Variants in CRB1 observed in about 807,000 individuals in gnomAD.
CRB1 encodes the protein crumbs cell polarity complex component 1, also known as protein crumbs homolog 1.
CRB1 carries 83 observed loss-of-function variants against 120.0 expected under a neutral mutation model. The observed-to-expected ratio is 0.69, with a 90% confidence interval of 0.58 to 0.83. The LOEUF (loss-of-function observed/expected upper bound fraction) is 0.83. CRB1 is among the 40% of genes least tolerant of loss of function. CRB1 has a pLI of 0.00. For missense variants in CRB1, 1,699 were observed against 1,687.6 expected (o/e 1.01, Z -0.12); for synonymous variants, 625 against 612.5 (o/e 1.02, Z -0.30).
At chr1:197,383,736 T>G (rs558296908) in intron 5 of CRB1, among the ~76,000 whole-genome samples, 13 of 152,218 alleles carry the variant, frequency 8.5e-5, no homozygotes, top group Non-Finnish European at 1.6e-4. Flanking sequence ...AGCTTTGGTT[T>G]TCTGGAACAT....
At chr1:197,447,943 C>G (rs1665779966) in intron 11 of CRB1, among the ~76,000 whole-genome samples, 1 of 151,874 alleles carries the variant, frequency 6.6e-6, no homozygotes, top group African/African-American at 2.4e-5. Flanking sequence ...GCATATATTC[C>G]CTATTGCTAT....
At chr1:197,278,864 C>T (rs1252592150) in intron 1 of CRB1, among the ~76,000 whole-genome samples, 1 of 151,872 alleles carries the variant, frequency 6.6e-6, no homozygotes, top group Non-Finnish European at 1.5e-5. Context: ...TCTCCAGGCA[C>T]GTACACTGTA....
chr1:197,326,166 C>T (rs1168492821), intron 1 of CRB1, among the ~76,000 whole-genome samples: 1 of 152,100 alleles, frequency 6.6e-6, no homozygotes, highest in Non-Finnish European at 1.5e-5. Context: ...ATGGCTTTGA[C>T]AGTTAATACT....
chr1:197,227,393 C>CTTT, the CRB1 span, among the ~76,000 whole-genome samples: 7 of 138,118 alleles, frequency 5.1e-5, no homozygotes, highest in African/African-American at 1.3e-4. Context: ...TTTTCTTTTT[C>CTTT]TTTTTTTTTT....
At chr1:197,337,080 A>T (rs761249852) in intron 2 of CRB1, among the ~76,000 whole-genome samples, 1 of 152,328 alleles carries the variant, frequency 6.6e-6, no homozygotes, top group Middle Eastern at 3.4e-3. Flanking sequence ...GTCCAAGGCG[A>T]TGAAAAGGTG....
chr1:197,203,675 G>A, the CRB1 span, among the ~76,000 whole-genome samples: 2 of 152,100 alleles, frequency 1.3e-5, no homozygotes, highest in Admixed American at 6.5e-5. Context: ...GCATAAGTAA[G>A]AAATAGAATG....
chr1:197,434,725 T>C lies in CRB1; in HGVS notation c.2862T>C (p.Phe954=). Residue 954 remains phenylalanine, a synonymous_variant, in exon 9 of 12, where the codon TTT becomes TTC. Coordinates refer to ENST00000367400, the MANE Select transcript of CRB1 (RefSeq NM_201253.3). ...CATTAGGTATTGCAAATGCTGTTTT[T>C]AATGGACAAAGCGGTCAAATATTAT... ...QGFECIANAV[F]NGQSGQILFR... is the part of the protein sequence containing the mutation. 1 of 1,613,422 alleles carries C rather than the reference T, an allele frequency of 6.2e-7. No homozygotes were observed. Among genetic ancestry groups the C allele is most frequent in the Non-Finnish European group, 8.5e-7 (1 of 1,179,516 alleles).
intron 5 of CRB1, chr1:197,363,903 C>A: frequency 1.7e-6 from 2 of 1,203,320 alleles, no homozygotes; most frequent in Non-Finnish European, 2.5e-6. Flanking sequence ...TAAACAGAAT[C>A]CTCACTACGG....
chr1:197,300,846 C>G (rs1039542330), intron 1 of CRB1, among the ~76,000 whole-genome samples: 2 of 152,098 alleles, frequency 1.3e-5, no homozygotes, highest in African/African-American at 2.4e-5. Context: ...CAGCTGATGA[C>G]TTTAACTGAA....
chr1:197,416,795 C>T (rs1331124836), intron 5 of CRB1, among the ~76,000 whole-genome samples: 5 of 152,086 alleles, frequency 3.3e-5, no homozygotes, highest in South Asian at 2.1e-4. Context: ...CTGCAACCTC[C>T]GCCTCCCAGA....
intron 1 of CRB1, among the ~76,000 whole-genome samples, chr1:197,299,781 G>A (rs767898855): frequency 1.1e-4 from 17 of 150,386 alleles, no homozygotes; most frequent in South Asian, 4.1e-4. Flanking sequence ...CTATACAGAC[G>A]TGCCTCATTT....
At chr1:197,406,849 T>C (rs1338274078) in intron 5 of CRB1, among the ~76,000 whole-genome samples, 1 of 152,180 alleles carries the variant, frequency 6.6e-6, no homozygotes, top group African/African-American at 2.4e-5. Context: ...AATATTTACA[T>C]ATTAATTACC....
intron 11 of CRB1, among the ~76,000 whole-genome samples, chr1:197,452,993 C>T (rs962771648): frequency 9.9e-5 from 15 of 151,494 alleles, no homozygotes; most frequent in Admixed American, 4.6e-4. Context: ...ACATGTTCAG[C>T]GAAGGATAAA....
intron 1 of CRB1, among the ~76,000 whole-genome samples, chr1:197,313,856 G>A (rs1195104511): frequency 1.3e-5 from 2 of 152,046 alleles, no homozygotes; most frequent in Non-Finnish European, 2.9e-5. Flanking sequence ...TCCATATCTC[G>A]CCTATTGTGA....
the CRB1 span, among the ~76,000 whole-genome samples, chr1:197,232,698 C>G: frequency 6.6e-6 from 1 of 152,098 alleles, no homozygotes; most frequent in South Asian, 2.1e-4. Flanking sequence ...GGCCAGGTCT[C>G]TAACAAAAAG....
At chr1:197,222,755 C>T in the CRB1 span, 60 of 1,033,848 alleles carry the variant, frequency 5.8e-5, no homozygotes, top group Non-Finnish European at 8.6e-5. Flanking sequence ...TTGACTTGCT[C>T]TTTCTTTCTG....
chr1:197,377,759 G>A (rs1027617638), intron 5 of CRB1, among the ~76,000 whole-genome samples: 3 of 151,968 alleles, frequency 2.0e-5, no homozygotes, highest in Non-Finnish European at 2.9e-5. Flanking sequence ...GATATTATAT[G>A]AGCTTACATT....
intron 5 of CRB1, among the ~76,000 whole-genome samples, chr1:197,415,645 T>G (rs1391209445): frequency 0.026 from 2,330 of 89,336 alleles, 87 homozygotes; most frequent in African/African-American, 0.081. Context: ...TCTTTTCTTT[T>G]TTTTTTTTTT....
intron 1 of CRB1, among the ~76,000 whole-genome samples, chr1:197,287,642 C>T (rs1371341785): frequency 6.6e-6 from 1 of 151,690 alleles, no homozygotes; most frequent in Non-Finnish European, 1.5e-5. Context: ...AGTAACAAAG[C>T]AAAATTTCCT....
Sources: allele counts gnomAD v4.1 joint callset (sites outside exome capture counted in the v4.1 genomes callset), GRCh38; gene constraint gnomAD v4.1.1; transcripts MANE v1.5; gene names NCBI Gene and HGNC (gene_info 2026-07-23, HGNC 2026-07-21).